The following IRAG1 variants were observed in gnomAD, a reference collection of about 807,000 sequenced individuals.
IRAG1 encodes inositol 1,4,5-triphosphate receptor associated 1.
A neutral mutation model predicts 106.2 loss-of-function variants in IRAG1; 62 were observed. The ratio of observed to expected loss-of-function variants is 0.58; its 90% CI spans 0.48 to 0.72. IRAG1 has a LOEUF of 0.72. IRAG1 is among the 30% of genes least tolerant of loss of function. The pLI is 0.00. For synonymous variants in IRAG1, 462 were observed against 443.9 expected (o/e 1.04, Z -0.51); for missense variants, 1,064 against 1,140.7 (o/e 0.93, Z 0.97).
At chr11:10,680,333 G>GA in intron 1 of IRAG1, among the ~76,000 whole-genome samples, 2 of 97,666 alleles carry the variant, frequency 2.0e-5, no homozygotes, top group East Asian at 4.9e-4. Context: ...GGGAAGGAAG[G>GA]AAGGAAGGAA....
At chr11:10,674,905 C>A in intron 1 of IRAG1, among the ~76,000 whole-genome samples, 1 of 152,200 alleles carries the variant, frequency 6.6e-6, no homozygotes, top group East Asian at 1.9e-4. Context: ...TGAAATAGCC[C>A]CAAGTCACAT....
intron 1 of IRAG1, chr11:10,658,563 G>C (rs149351470): frequency 6.3e-6 from 1 of 157,870 alleles, no homozygotes; most frequent in African/African-American, 2.4e-5. Context: ...GTGGCTCAGA[G>C]CTCCCAGATT....
intron 1 of IRAG1, among the ~76,000 whole-genome samples, chr11:10,674,089 C>T (rs771051895): frequency 1.3e-5 from 2 of 152,182 alleles, no homozygotes; most frequent in Non-Finnish European, 2.9e-5. Flanking sequence ...ATTTACAGAG[C>T]GCCTACCAAG....
chr11:10,633,136 G>A lies in IRAG1; in HGVS notation c.329+832C>T, dbSNP rs867914848. 2.1e-4 allele frequency among the ~76,000 whole-genome samples: 31 copies of A among 147,044 alleles called. No homozygotes were observed. In the Middle Eastern group the frequency reaches 0.01, roughly 49 times the overall value. On this transcript the variant is annotated intron_variant, in intron 3 of 20. Transcript: ENST00000423302. ...GTCGCCCAGGCTGGAGTGCAGTGGCGCGATCTGGGCTCACTGCAAGCTCCG... is the reference window on the plus strand; with the variant it reads ...GTCGCCCAGGCTGGAGTGCAGTGGCACGATCTGGGCTCACTGCAAGCTCCG...
rs953809483 is a variant in IRAG1 at position 10,574,658 on chromosome 11, GAAA to G, written c.*1671_*1673del. On this transcript the variant is annotated 3_prime_UTR_variant, in exon 21 of 21. Transcript: ENST00000423302. ...CCTGAAGAAAAGAGAAGAACAGCTG[GAAA>G]AAAAACTAGTGAGTGGAGGTCCAGC... The G allele has an allele frequency of 6.6e-6, 1 of 151,826 alleles. No homozygotes were observed. The highest frequency in any genetic ancestry group is 1.5e-5 in the Non-Finnish European group (1 of 67,958). The allele number at this position is 151,826 out of a possible 1,614,324, so 9.4% of individuals were successfully genotyped here.
chr11:10,582,074 T>A, intron 18 of IRAG1, 88 bp from the exon 19 acceptor site: 2 of 1,467,196 alleles, frequency 1.4e-6, no homozygotes, highest in Non-Finnish European at 1.8e-6. Flanking sequence ...GATTCCTGAT[T>A]AGGAGTGAGG....
At chr11:10,669,215 G>T (rs1199861481) in intron 1 of IRAG1, among the ~76,000 whole-genome samples, 1 of 152,156 alleles carries the variant, frequency 6.6e-6, no homozygotes, top group African/African-American at 2.4e-5. Context: ...CCTGACAAAA[G>T]CTCCTTTTGA....
At chr11:10,639,952 T>C (rs1399594806) in intron 2 of IRAG1, among the ~76,000 whole-genome samples, 1 of 152,178 alleles carries the variant, frequency 6.6e-6, no homozygotes, top group South Asian at 2.1e-4. Context: ...ATTTATTGAA[T>C]GCCTATTGTG....
At chr11:10,618,550 C>T (rs745582301) in intron 10 of IRAG1, among the ~76,000 whole-genome samples, 11 of 152,182 alleles carry the variant, frequency 7.2e-5, no homozygotes, top group Non-Finnish European at 1.3e-4. Context: ...AACATCCAAA[C>T]AATTTCACAC....
Position 10,580,596 on chromosome 11 carries a change from G to A in IRAG1, c.2361-7C>T. ...CTTTAGACCTTCTTGGAATCTGGGG[G>A]GCAAAAAGGAACAGTTGAGTCTGGA... On this transcript the variant is annotated splice_polypyrimidine_tract_variant and splice_region_variant and intron_variant, in intron 19 of 20. Transcript: ENST00000423302. The A allele has an allele frequency of 1.2e-6, 2 of 1,608,922 alleles. No homozygotes were observed. Among genetic ancestry groups the A allele is most frequent in the Non-Finnish European group, 1.7e-6 (2 of 1,178,530 alleles).
At chr11:10,597,570 T>C (rs1853469409) in intron 15 of IRAG1, among the ~76,000 whole-genome samples, 1 of 152,102 alleles carries the variant, frequency 6.6e-6, no homozygotes, top group African/African-American at 2.4e-5. Flanking sequence ...TTGCCCAGGC[T>C]GGTCTCAACC....
At chr11:10,634,878 T>C (rs1398730128) in intron 2 of IRAG1, among the ~76,000 whole-genome samples, 1 of 152,124 alleles carries the variant, frequency 6.6e-6, no homozygotes, top group African/African-American at 2.4e-5. Context: ...ACCTTGTCTA[T>C]TGTGAATAGT....
chr11:10,661,748 C>T (rs1441503597), intron 1 of IRAG1, among the ~76,000 whole-genome samples: 1 of 152,176 alleles, frequency 6.6e-6, no homozygotes, highest in Non-Finnish European at 1.5e-5. Context: ...TGAACCCGCT[C>T]AGTTAATCCA....
chr11:10,582,115 T>G, intron 18 of IRAG1, 129 bp from the exon 19 acceptor site: 1 of 1,175,606 alleles, frequency 8.5e-7, no homozygotes. Flanking sequence ...ACTTTCAGAT[T>G]TTTTCCCAAT....
chr11:10,611,369 C>G (rs1301347427), intron 10 of IRAG1, among the ~76,000 whole-genome samples: 1 of 152,148 alleles, frequency 6.6e-6, no homozygotes, highest in Non-Finnish European at 1.5e-5. Flanking sequence ...GTATGTATCC[C>G]TACCACACTC....
chr11:10,587,127 G>A (rs1256856224), intron 18 of IRAG1, among the ~76,000 whole-genome samples: 2 of 152,176 alleles, frequency 1.3e-5, no homozygotes, highest in African/African-American at 2.4e-5. Context: ...CTTTCTTTCT[G>A]GGATGATTCA....
intron 2 of IRAG1, among the ~76,000 whole-genome samples, chr11:10,639,804 C>G (rs1857390854): frequency 6.6e-6 from 1 of 152,128 alleles, no homozygotes; most frequent in Non-Finnish European, 1.5e-5. Context: ...AAGAGTCTTA[C>G]AGAGCAAAGA....
chr11:10,626,026 G>C lies in IRAG1; in HGVS notation c.1308C>G (p.Leu436=), dbSNP rs773636342. The change falls in exon 9 of 21, where the codon CTC becomes CTG. Residue 436 remains leucine (L), a synonymous_variant. Coordinates refer to ENST00000423302, the MANE Select transcript of IRAG1 (RefSeq NM_130385.4). The stretch of plus-strand genomic sequence containing the variant: ...GCTGCACTTGTATCTGAAAGTCTTT[G>C]AGACCAGGGGCCTTGGCCAGCTTGC... ...AGGKLAKAPG[L]KDFQIQVQPV... The C allele has an allele frequency of 4.0e-6, 6 of 1,509,056 alleles. No homozygotes were observed. The highest frequency in any genetic ancestry group is 1.8e-6 in the Non-Finnish European group (2 of 1,128,690). 93.5% of individuals were successfully genotyped at this position (1,509,056 alleles called of 1,614,324 possible).
In IRAG1 at chr11:10,628,848, T is replaced by C; in HGVS notation, c.575-20A>G. On this transcript the variant is annotated intron_variant, in intron 5 of 20. Transcript: ENST00000423302. The surrounding 1 kb of genome is among the most constrained non-coding windows in gnomAD (Gnocchi z 4.1). ...AAACAGCTGTGAAGACAGACACAAA[T>C]TGGCTGGCATTCATGAAGGTTTAGG... is the stretch of plus-strand genomic sequence containing the variant. The C allele has an allele frequency of 8.3e-6, 13 of 1,564,628 alleles. No individual in the cohort carries two copies. The highest frequency in any genetic ancestry group is 1.1e-5 in the Non-Finnish European group (13 of 1,155,922).
Sources: allele counts gnomAD v4.1 joint callset (sites outside exome capture counted in the v4.1 genomes callset), GRCh38; gene constraint gnomAD v4.1.1; non-coding constraint Gnocchi (gnomAD v3.1); transcripts MANE v1.5; gene names NCBI Gene and HGNC (gene_info 2026-07-23, HGNC 2026-07-21).